The following FBXL13 variants were observed in gnomAD, a reference collection of about 807,000 sequenced individuals.
FBXL13 encodes F-box and leucine rich repeat protein 13.
In FBXL13, 67 loss-of-function variants were observed where a neutral mutation model predicts 83.6. The observed-to-expected ratio is 0.80, with a 90% CI of 0.66 to 0.98. The LOEUF is 0.98. Ranked by LOEUF, FBXL13 falls within the 50% of genes least tolerant of loss-of-function variation. The probability of loss-of-function intolerance (pLI) is 0.00; values close to 1 mark genes in which losing one functional copy is unlikely to be tolerated. For synonymous variants in FBXL13, 272 were observed against 299.5 expected (o/e 0.91, Z 0.95); for missense variants, 822 against 866.5 (o/e 0.95, Z 0.64).
At chr7:102,985,136 C>A (rs1304906109) in intron 6 of FBXL13, among the ~76,000 whole-genome samples, 1 of 152,196 alleles carries the variant, frequency 6.6e-6, no homozygotes, top group East Asian at 1.9e-4. Context: ...ACTAAGATCA[C>A]CATGTGTTGA....
chr7:102,871,045 A>T (rs925844483), intron 16 of FBXL13, among the ~76,000 whole-genome samples: 3 of 151,932 alleles, frequency 2.0e-5, no homozygotes, highest in African/African-American at 7.3e-5. Context: ...AATCTTTTTG[A>T]CCTTCTTTCT....
intron 6 of FBXL13, among the ~76,000 whole-genome samples, chr7:103,005,914 G>C (rs1194015286): frequency 2.0e-5 from 3 of 152,096 alleles, no homozygotes; most frequent in Non-Finnish European, 4.4e-5. Context: ...GCTAAAGTTG[G>C]CTACCATGCA....
intron 2 of FBXL13, among the ~76,000 whole-genome samples, chr7:103,032,050 T>C (rs1367401895): frequency 2.0e-5 from 3 of 152,188 alleles, no homozygotes; most frequent in African/African-American, 7.2e-5. Context: ...TCCAGCAGCA[T>C]ACAATAGCAC....
intron 11 of FBXL13, among the ~76,000 whole-genome samples, chr7:102,891,186 G>A (rs1432811911): frequency 6.6e-6 from 1 of 152,174 alleles, no homozygotes; most frequent in African/African-American, 2.4e-5. Context: ...TCTGGTAATT[G>A]TCTTTCTCGA....
chr7:103,024,857 A>ATATATATTTTTTT (rs1298384907), intron 6 of FBXL13, among the ~76,000 whole-genome samples: 1 of 62,852 alleles, frequency 1.6e-5, no homozygotes, highest in African/African-American at 9.0e-5. Flanking sequence ...ATATATATAT[A>ATATATATTTTTTT]TTTTTTTTTT....
chr7:102,836,862 T>C (rs535579189), intron 17 of FBXL13, among the ~76,000 whole-genome samples: 25 of 152,348 alleles, frequency 1.6e-4, no homozygotes, highest in African/African-American at 6.0e-4. Flanking sequence ...CTTCTAGCCT[T>C]AGAAAAGCTC....
At chr7:102,831,656 G>A (rs139716931) in intron 18 of FBXL13, among the ~76,000 whole-genome samples, 9 of 152,210 alleles carry the variant, frequency 5.9e-5, no homozygotes, top group African/African-American at 1.7e-4. Context: ...AAAGGTACAC[G>A]GTGCTCCCAA....
chr7:103,039,514 C>T (rs1397435120), intron 2 of FBXL13, among the ~76,000 whole-genome samples: 1 of 151,994 alleles, frequency 6.6e-6, no homozygotes, highest in Non-Finnish European at 1.5e-5. Context: ...AACTCCAAGA[C>T]ACATAATTGT....
intron 6 of FBXL13, among the ~76,000 whole-genome samples, chr7:102,980,386 G>T (rs1440137608): frequency 6.6e-6 from 1 of 152,206 alleles, no homozygotes; most frequent in Admixed American, 6.5e-5. Flanking sequence ...ATGGGACTGG[G>T]ACAACTGGGT....
At chr7:102,913,567 T>C (rs1815200684) in intron 10 of FBXL13, among the ~76,000 whole-genome samples, 1 of 152,218 alleles carries the variant, frequency 6.6e-6, no homozygotes, top group East Asian at 1.9e-4. Context: ...TTGCAGAGTG[T>C]ATTGTTGCTT....
intron 4 of FBXL13, 139 bp downstream of exon 5, chr7:103,028,461 C>T (rs189840375): frequency 3.8e-5 from 20 of 522,540 alleles, no homozygotes; most frequent in African/African-American, 3.8e-4. Flanking sequence ...AAATTAGCAG[C>T]TCTACCTTCA....
intron 16 of FBXL13, among the ~76,000 whole-genome samples, chr7:102,866,652 C>T (rs1257937750): frequency 6.6e-6 from 1 of 152,148 alleles, no homozygotes; most frequent in Non-Finnish European, 1.5e-5. Context: ...TGTGTGTGTT[C>T]CATGCAGATG....
chr7:103,006,229 CA>C (rs934725927), intron 6 of FBXL13, among the ~76,000 whole-genome samples: 2 of 152,108 alleles, frequency 1.3e-5, no homozygotes, highest in African/African-American at 2.4e-5. Flanking sequence ...AATTTTAGGG[CA>C]GAAAAGTGGG....
chr7:102,877,702 T>C lies in FBXL13; in HGVS notation c.1509-109A>G, dbSNP rs75192498. The C allele has an allele frequency of 7.6e-4, 866 of 1,144,360 alleles. 6 individuals carry two copies. The African/African-American group carries it at 0.013, about 18-fold the overall frequency. 70.9% of individuals were successfully genotyped at this position (1,144,360 alleles called of 1,614,324 possible). A position where few individuals can be genotyped will look rare whatever the true frequency, so the allele number is the denominator to read the frequency against. On this transcript the variant is annotated intron_variant, in intron 15 of 19. Transcript: ENST00000313221. ...AAACAAATGGTATTGAAGCAAAGAT[T>C]TTCCTTTACTCAACATAAAAGTAAG...
chr7:103,071,240 C>A (rs868383860), intron 1 of FBXL13, among the ~76,000 whole-genome samples: 1 of 151,728 alleles, frequency 6.6e-6, no homozygotes, highest in Non-Finnish European at 1.5e-5. Flanking sequence ...AACATATGTA[C>A]GATTGGAGTT....
chr7:102,992,694 T>A (rs1159994620), intron 6 of FBXL13, among the ~76,000 whole-genome samples: 1 of 152,074 alleles, frequency 6.6e-6, no homozygotes, highest in Non-Finnish European at 1.5e-5. Context: ...AGCCTCAACC[T>A]CTCCAGACTT....
At chr7:102,843,667 T>C (rs1323351965) in intron 17 of FBXL13, among the ~76,000 whole-genome samples, 2 of 151,884 alleles carry the variant, frequency 1.3e-5, no homozygotes, top group Non-Finnish European at 2.9e-5. Flanking sequence ...TCCCAGCTAC[T>C]CCAGAGGTTG....
chr7:102,848,278 C>T lies in FBXL13; in HGVS notation c.1719+6499G>A, dbSNP rs1374805846. On this transcript the variant is annotated intron_variant, in intron 17 of 19. Transcript: ENST00000313221. ...TGCATAAAAAATACACATTCGAGGC[C>T]GGGCGCGGTGGCTCACGCCTGTAAT... Among the ~76,000 whole-genome samples the T allele has an allele frequency of 4.3e-5, 2 of 46,484 alleles. 1 individual carries two copies. The highest frequency in any genetic ancestry group is 7.3e-5 in the Non-Finnish European group (2 of 27,472). 30.5% of individuals were successfully genotyped at this position (46,484 alleles called of 152,430 possible).
chr7:102,925,845 G>A (rs1425983493), intron 10 of FBXL13, among the ~76,000 whole-genome samples: 4 of 151,382 alleles, frequency 2.6e-5, no homozygotes, highest in African/African-American at 9.7e-5. Flanking sequence ...GGAGGCTGAC[G>A]CATGAGAATC....
Sources: gnomAD v4.1 joint callset for allele counts (sites outside exome capture counted in the v4.1 genomes callset) on GRCh38, gnomAD v4.1.1 for gene constraint, MANE v1.5 for transcripts, NCBI Gene and HGNC (gene_info 2026-07-23, HGNC 2026-07-21) for gene names.